The following FAM161B variants were observed in gnomAD, a reference collection of about 807,000 sequenced individuals.
FAM161B encodes the protein protein FAM161B.
Under a neutral mutation model 61.5 loss-of-function variants are expected in FAM161B, and 46 were observed. The observed-to-expected ratio is 0.75, with a 90% CI of 0.59 to 0.96. FAM161B has a LOEUF of 0.96. Ranked by LOEUF, FAM161B falls within the 40% of genes least tolerant of loss-of-function variation. FAM161B has a pLI of 0.00. For missense variants in FAM161B, 774 were observed against 800.7 expected, an observed-to-expected ratio of 0.97 and a Z score of 0.40; for synonymous variants, 284 against 302.7, an observed-to-expected ratio of 0.94 and a Z score of 0.64.
rs753688474 is a variant in FAM161B, at chr14:73,944,527, T to A, written c.733A>T (p.Ile245Phe). ...ERSEARRQAGIQKRKELLLSS... is the reference protein window; with the variant it reads ...ERSEARRQAGFQKRKELLLSS... ...AGGAGCAGTTCCTTCCTCTTCTGGA[T>A]CCCTGCCTGCCTTCGGGCCTCGCTG... Residue 245 changes from isoleucine to phenylalanine, a missense_variant, in exon 3 of 9, where the codon ATC becomes TTC. Physicochemically the swap from Ile to Phe is conservative, Grantham distance 21. Coordinates refer to ENST00000286544, the MANE Select transcript of FAM161B (RefSeq NM_152445.3). 1 of 1,614,158 alleles carries A rather than the reference T, an allele frequency of 6.2e-7. No individual in the cohort carries two copies. The highest frequency in any genetic ancestry group is 2.2e-5 in the East Asian group (1 of 44,866).
At chr14:73,945,419 AT>A (rs924366686) in intron 2 of FAM161B, among the ~76,000 whole-genome samples, 1 of 151,394 alleles carries the variant, frequency 6.6e-6, no homozygotes, top group Non-Finnish European at 1.5e-5. Context: ...GCTTCCCTGT[AT>A]TTTTTTTTAT....
rs372718571 is a variant in FAM161B, at chr14:73,944,411, G to C, written c.849C>G (p.Ala283=). ...RQRDLAATAE[A]KISKQKATRR... ...TGGTGGCCTTCTGCTTGGAGATCTT[G>C]GCTTCAGCTGTGGCTGCCAAGTCTC... Residue 283 remains alanine (A), a synonymous_variant, in exon 3 of 9, where the codon GCC becomes GCG. Transcript: ENST00000286544. The C allele has an allele frequency of 6.2e-7, 1 of 1,611,812 alleles. No individual in the cohort carries two copies. The highest frequency in any genetic ancestry group is 8.5e-7 in the Non-Finnish European group (1 of 1,178,144).
downstream of FAM161B, chr14:73,931,721 C>A: frequency 1.6e-6 from 1 of 619,978 alleles, no homozygotes. Context: ...TCTTTTCTAA[C>A]TACCATCTGA....
chr14:73,949,242 AC>A (rs2056102217), intron 1 of FAM161B, among the ~76,000 whole-genome samples: 1 of 152,216 alleles, frequency 6.6e-6, no homozygotes, highest in African/African-American at 2.4e-5. Flanking sequence ...AGCTGGGATT[AC>A]AGGCATGTGC....
chr14:73,929,141 C>T (rs2055875418), downstream of FAM161B, among the ~76,000 whole-genome samples: 1 of 152,168 alleles, frequency 6.6e-6, no homozygotes, highest in Non-Finnish European at 1.5e-5. Flanking sequence ...TCTGTCTGAG[C>T]CTCACTTCTT....
At chr14:73,938,599 C>T (rs1290251264) in intron 5 of FAM161B, among the ~76,000 whole-genome samples, 3 of 151,436 alleles carry the variant, frequency 2.0e-5, no homozygotes, top group Non-Finnish European at 4.4e-5. Flanking sequence ...TGTGAAACCC[C>T]ATCTCTACTA....
chr14:73,942,011 TTTG>T (rs1305201530), intron 4 of FAM161B, among the ~76,000 whole-genome samples: 2 of 152,124 alleles, frequency 1.3e-5, no homozygotes, highest in Non-Finnish European at 2.9e-5. Context: ...TGGCCTGTTT[TTTG>T]TTGTTGTTTT....
chr14:73,940,403 C>T (rs2056007722), intron 5 of FAM161B, among the ~76,000 whole-genome samples: 1 of 152,200 alleles, frequency 6.6e-6, no homozygotes, highest in Admixed American at 6.5e-5. Flanking sequence ...TCTCTGAATT[C>T]TTGTTCCTCA....
chr14:73,944,517 C>A lies in FAM161B; in HGVS notation c.743G>T (p.Arg248Met), dbSNP rs772574655. 1 of 1,614,144 alleles carries A rather than the reference C, an allele frequency of 6.2e-7. No homozygotes were observed. Among genetic ancestry groups the A allele is most frequent in the Admixed American group, 1.7e-5 (1 of 60,024 alleles). ...EARRQAGIQK[R>M]KELLLSSLKP... is the part of the protein sequence containing the mutation. The stretch of plus-strand genomic sequence containing the variant: ...CAAAGAAGAGAGGAGCAGTTCCTTC[C>A]TCTTCTGGATCCCTGCCTGCCTTCG... The change falls in exon 3 of 9, where the codon AGG becomes ATG. Residue 248 changes from arginine to methionine, a missense_variant. Transcript: ENST00000286544.
intron 8 of FAM161B, 121 bp from the exon 9 acceptor site, chr14:73,934,515 C>G: frequency 1.1e-6 from 1 of 871,456 alleles, no homozygotes; most frequent in Non-Finnish European, 1.7e-6. Context: ...GACAGCCCAG[C>G]TGAAGCAACC....
rs2056041654 is a variant in FAM161B at position 73,944,053 on chromosome 14, G to A, written c.925+282C>T. Among the ~76,000 whole-genome samples, 6 of 152,312 alleles carry A rather than the reference G, an allele frequency of 3.9e-5. 2 individuals are homozygous for A. The South Asian group carries it at 1.0e-3, about 26-fold the overall frequency. On this transcript the variant is annotated intron_variant, in intron 3 of 8. Coordinates refer to ENST00000286544, the MANE Select transcript of FAM161B (RefSeq NM_152445.3). ...GGTGTCTCACTGGTTCTCTATTCCT[G>A]CACCTGTGCTGGTGCAGAGGCCCTC...
At position 73,932,414 on chromosome 14, in the gene FAM161B, A is replaced by G. The variant is rs1246345430; in HGVS notation, c.*1842T>C. 2.2e-6 allele frequency: 1 copy of G among 452,028 alleles called. No homozygotes were observed. Among genetic ancestry groups the G allele is most frequent in the East Asian group, 7.0e-5 (1 of 14,360 alleles). The allele number at this position is 452,028 out of a possible 1,614,324, so 28.0% of individuals were successfully genotyped here. ...CTGAACCGAGGAGTCTTAGGAAACAACAAGAACATCTTCATTTCTTAAGCC... is the reference window on the plus strand; with the variant it reads ...CTGAACCGAGGAGTCTTAGGAAACAGCAAGAACATCTTCATTTCTTAAGCC... On this transcript the variant is annotated 3_prime_UTR_variant, in exon 9 of 9. Coordinates refer to ENST00000286544, the MANE Select transcript of FAM161B (RefSeq NM_152445.3).
chr14:73,941,108 C>CTTT (rs11358501), intron 4 of FAM161B, 55 bp from the exon 5 acceptor site: 441 of 955,946 alleles, frequency 4.6e-4, no homozygotes, highest in African/African-American at 1.8e-3. Context: ...TAGTTTCTAT[C>CTTT]TTTTTTTTTT....
chr14:73,944,217 T>C, intron 3 of FAM161B, 118 bp downstream of exon 3: 1 of 1,475,880 alleles, frequency 6.8e-7, no homozygotes, highest in Non-Finnish European at 9.1e-7. Context: ...CAGCCTCTAG[T>C]GGGTCCACCC....
downstream of FAM161B, among the ~76,000 whole-genome samples, chr14:73,929,708 T>C (rs1207330812): frequency 3.3e-5 from 5 of 151,854 alleles, no homozygotes; most frequent in Non-Finnish European, 5.9e-5. Context: ...TCCTAGCTAC[T>C]TGGGAGGCTG....
At chr14:73,945,105 G>A (rs1244185618) in intron 2 of FAM161B, among the ~76,000 whole-genome samples, 2 of 152,200 alleles carry the variant, frequency 1.3e-5, no homozygotes, top group East Asian at 1.9e-4. Flanking sequence ...CTGCCACTTT[G>A]CACTCTAATA....
Position 73,946,285 on chromosome 14 carries a change from C to T in FAM161B, c.374+1G>A. 1.2e-6 allele frequency: 2 copies of T among 1,611,472 alleles called. No homozygotes were observed. Among genetic ancestry groups the T allele is most frequent in the Non-Finnish European group, 1.7e-6 (2 of 1,178,290 alleles). ...GCAGCCGTGGAGCTGCAGTGCCTTA[C>T]CTCAGAGCCTGCGGGCACTGGACCT... On this transcript the variant is annotated splice_donor_variant, in intron 2 of 8. Transcript: ENST00000286544. LOFTEE classifies it high-confidence loss of function.
chr14:73,942,687 G>A lies in FAM161B; in HGVS notation c.954C>T (p.Ile318=). The change falls in exon 4 of 9, where the codon ATC becomes ATT. Residue 318 remains isoleucine, a synonymous_variant. Coordinates refer to ENST00000286544, the MANE Select transcript of FAM161B (RefSeq NM_152445.3). The part of the protein sequence containing the change: ...QEAELFRKIR[I]QMRALDMLQM... ...GGAGCATGTCCAGGGCTCTCATTTG[G>A]ATGCGAATTTTCCTGAAGAGCTCAG... 1 of 1,613,694 alleles carries A rather than the reference G, an allele frequency of 6.2e-7. No individual in the cohort carries two copies. The highest frequency in any genetic ancestry group is 8.5e-7 in the Non-Finnish European group (1 of 1,179,660).
chr14:73,934,635 CAG>C (rs1243889507), intron 8 of FAM161B, among the ~76,000 whole-genome samples: 1 of 150,478 alleles, frequency 6.6e-6, no homozygotes, highest in Admixed American at 6.6e-5. Context: ...TTTGTAGAGA[CAG>C]GGTTTTGCCA....
Sources: allele counts gnomAD v4.1 joint callset (sites outside exome capture counted in the v4.1 genomes callset), GRCh38; gene constraint gnomAD v4.1.1; transcripts MANE v1.5; gene names NCBI Gene and HGNC (gene_info 2026-07-23, HGNC 2026-07-21).